The following TMEM132B variants were observed in gnomAD, a reference collection of about 807,000 sequenced individuals.
TMEM132B encodes transmembrane protein 132B.
TMEM132B carries 18 observed loss-of-function variants against 90.8 expected under a neutral mutation model. The observed-to-expected ratio is 0.20, with a 90% CI of 0.14 to 0.29. TMEM132B has a LOEUF of 0.29. Among genes scored for constraint, TMEM132B ranks in the 10% least tolerant of loss-of-function variants. The pLI is 1.00. For synonymous variants in TMEM132B, 504 were observed against 523.3 expected, an observed-to-expected ratio of 0.96 and a Z score of 0.50; for missense variants, 1,096 against 1,326.8, an observed-to-expected ratio of 0.83 and a Z score of 2.70.
chr12:125,558,239 C>T (rs1411159759), intron 4 of TMEM132B, among the ~76,000 whole-genome samples: 1 of 152,104 alleles, frequency 6.6e-6, no homozygotes, highest in African/African-American at 2.4e-5. Context: ...TGTCTGTTTG[C>T]TCTGCCCTGC....
chr12:125,482,408 G>GA (rs1238891020), intron 3 of TMEM132B, among the ~76,000 whole-genome samples: 12 of 152,166 alleles, frequency 7.9e-5, no homozygotes, highest in East Asian at 3.8e-4. Context: ...TAATTTACAA[G>GA]AAAAAATCAA....
intron 1 of TMEM132B, among the ~76,000 whole-genome samples, chr12:125,265,913 A>C (rs1874682446): frequency 6.6e-6 from 1 of 152,086 alleles, no homozygotes; most frequent in East Asian, 1.9e-4. Flanking sequence ...AATAGTTTTT[A>C]AGCTTAAAGG....
intron 5 of TMEM132B, among the ~76,000 whole-genome samples, chr12:125,598,366 GC>G (rs761519596): frequency 2.8e-4 from 42 of 152,116 alleles, no homozygotes; most frequent in Non-Finnish European, 5.4e-4. Flanking sequence ...AAATTAACCT[GC>G]CCCAATCCAC....
At chr12:125,639,516 A>G (rs965867407) in intron 5 of TMEM132B, among the ~76,000 whole-genome samples, 2 of 152,252 alleles carry the variant, frequency 1.3e-5, no homozygotes, top group Non-Finnish European at 2.9e-5. Context: ...CAGCAGGGAA[A>G]AGGAGAAAGG....
rs555486472 is a variant in TMEM132B at position 125,492,467 on chromosome 12, C to T, written c.1107-26972C>T. Among the ~76,000 whole-genome samples, 1 of 152,288 alleles carries T rather than the reference C, an allele frequency of 6.6e-6. No individual in the cohort carries two copies. Among genetic ancestry groups the T allele is most frequent in the South Asian group, 2.1e-4 (1 of 4,830 alleles). On this transcript the variant is annotated intron_variant, in intron 3 of 8. Coordinates refer to ENST00000682704, the MANE Select transcript of TMEM132B (RefSeq NM_001366854.1). The surrounding 1 kb of genome is among the most constrained non-coding windows in gnomAD (Gnocchi z 5.8). ...CTGCTTTGCAGGGGCCCCGACTGCT[C>T]CTTCCTGGGATGTGCCGCCACCTCC...
At chr12:125,604,940 G>A (rs760839540) in intron 5 of TMEM132B, among the ~76,000 whole-genome samples, 5 of 152,178 alleles carry the variant, frequency 3.3e-5, no homozygotes, top group Non-Finnish European at 7.3e-5. Context: ...CATCTGACCC[G>A]CTTTAGTGCA....
chr12:125,191,249 T>G (rs1872781164), intron 1 of TMEM132B, among the ~76,000 whole-genome samples: 1 of 149,218 alleles, frequency 6.7e-6, no homozygotes, highest in Non-Finnish European at 1.5e-5. Flanking sequence ...GTGATGGTGA[T>G]GGGGAAGGGG....
At chr12:125,515,483 ACAC>A (rs1883113671) in intron 3 of TMEM132B, among the ~76,000 whole-genome samples, 1 of 93,518 alleles carries the variant, frequency 1.1e-5, no homozygotes, top group African/African-American at 1.1e-4. Context: ...ACACATTGTC[ACAC>A]TCACACACAT....
Position 125,415,057 on chromosome 12 carries a change from C to T in TMEM132B, c.960-474C>T, listed in dbSNP as rs546789174. Among the ~76,000 whole-genome samples, 2 of 152,280 alleles carry T rather than the reference C, an allele frequency of 1.3e-5. No individual in the cohort carries two copies. The highest frequency in any genetic ancestry group is 2.4e-5 in the African/African-American group (1 of 41,566). On this transcript the variant is annotated intron_variant, in intron 2 of 8. Transcript: ENST00000682704. The surrounding 1 kb of genome is among the most constrained non-coding windows in gnomAD (Gnocchi z 5.3). Reference sequence around the variant, plus strand: ...CAAACACCTGAGGACTGGGTGCTCCCGTCCATTCCTGCTCCCAGAGTGCCC... The same window carrying T: ...CAAACACCTGAGGACTGGGTGCTCCTGTCCATTCCTGCTCCCAGAGTGCCC...
At chr12:125,267,818 T>C (rs951760202) in intron 1 of TMEM132B, among the ~76,000 whole-genome samples, 3 of 152,202 alleles carry the variant, frequency 2.0e-5, no homozygotes, top group African/African-American at 7.2e-5. Context: ...TCTAGATTTT[T>C]TTTTAAAATG....
chr12:125,447,956 C>A (rs1881048969), intron 3 of TMEM132B, among the ~76,000 whole-genome samples: 1 of 152,150 alleles, frequency 6.6e-6, no homozygotes, highest in East Asian at 1.9e-4. Flanking sequence ...AGATACAATA[C>A]AACATATCCA....
rs916135996 is a variant in TMEM132B, at chr12:125,654,781, A to C, written c.*71A>C. ...GAATGCTGGAGCAGTGAGTTTGATC[A>C]GCAATAGGGGATGATTTAACAAAGT... is the stretch of plus-strand genomic sequence containing the variant. On this transcript the variant is annotated 3_prime_UTR_variant, in exon 9 of 9. Coordinates refer to ENST00000682704, the MANE Select transcript of TMEM132B (RefSeq NM_001366854.1). The surrounding 1 kb of genome is among the most constrained non-coding windows in gnomAD (Gnocchi z 5.8). The C allele has an allele frequency of 2.0e-6, 3 of 1,498,544 alleles. No homozygotes were observed. Among genetic ancestry groups the C allele is most frequent in the Non-Finnish European group, 2.7e-6 (3 of 1,106,346 alleles). The allele number at this position is 1,498,544 out of a possible 1,614,324, so 92.8% of individuals were successfully genotyped here. A position where few individuals can be genotyped will look rare whatever the true frequency, so the allele number is the denominator to read the frequency against.
intron 2 of TMEM132B, among the ~76,000 whole-genome samples, chr12:125,405,773 A>G (rs1209611948): frequency 1.3e-5 from 2 of 152,222 alleles, no homozygotes; most frequent in African/African-American, 2.4e-5. Flanking sequence ...AAAGAGGATT[A>G]AATATGTTGA....
At chr12:125,404,619 G>A (rs548836824) in intron 2 of TMEM132B, among the ~76,000 whole-genome samples, 4 of 152,256 alleles carry the variant, frequency 2.6e-5, no homozygotes, top group South Asian at 4.2e-4. Flanking sequence ...CTTCATAATA[G>A]CAACACTGTA....
chr12:125,200,875 ACAATT>A (rs1476302995), intron 1 of TMEM132B, among the ~76,000 whole-genome samples: 2 of 152,138 alleles, frequency 1.3e-5, no homozygotes, highest in African/African-American at 4.8e-5. Context: ...CTGGCTGTGG[ACAATT>A]CTCAGAGGTC....
intron 3 of TMEM132B, among the ~76,000 whole-genome samples, chr12:125,511,851 C>A (rs868546785): frequency 0.014 from 1,556 of 111,040 alleles, 10 homozygotes; most frequent in Middle Eastern, 0.036. Context: ...GACTCTATCT[C>A]AAAAAAAAAA....
chr12:125,269,564 G>A (rs1270139842), intron 1 of TMEM132B, among the ~76,000 whole-genome samples: 2 of 152,154 alleles, frequency 1.3e-5, no homozygotes, highest in African/African-American at 4.8e-5. Flanking sequence ...TTCTCACCCA[G>A]GATGAATAAA....
chr12:125,484,745 C>A (rs143294472), intron 3 of TMEM132B, among the ~76,000 whole-genome samples: 1 of 152,090 alleles, frequency 6.6e-6, no homozygotes. Flanking sequence ...ATCTTCCCCC[C>A]TCAGCCTCCA....
chr12:125,395,962 G>A (rs1465660445), intron 2 of TMEM132B, among the ~76,000 whole-genome samples: 1 of 152,228 alleles, frequency 6.6e-6, no homozygotes, highest in African/African-American at 2.4e-5. Flanking sequence ...CCAATCAACT[G>A]TGGCCAGGGA....
Sources: gnomAD v4.1 joint callset for allele counts (sites outside exome capture counted in the v4.1 genomes callset) on GRCh38, gnomAD v4.1.1 for gene constraint, Gnocchi (gnomAD v3.1) non-coding constraint, MANE v1.5 for transcripts, NCBI Gene and HGNC (gene_info 2026-07-23, HGNC 2026-07-21) for gene names.